The following PDK1 variants were observed in gnomAD, a reference collection of about 807,000 sequenced individuals.
The protein encoded by PDK1 is pyruvate dehydrogenase kinase 1.
PDK1 carries 39 observed loss-of-function variants against 54.2 expected under a neutral mutation model. That is an observed-to-expected ratio of 0.72 (90% CI 0.56 to 0.94). The LOEUF is 0.94. Ranked by LOEUF, PDK1 falls within the 40% of genes least tolerant of loss-of-function variation. The pLI, the probability that PDK1 is intolerant of heterozygous loss-of-function variation, is 0.00. For synonymous variants in PDK1, 221 were observed against 207.1 expected, an observed-to-expected ratio of 1.07 and a Z score of -0.58; for missense variants, 552 against 566.0, an observed-to-expected ratio of 0.98 and a Z score of 0.25.
intron 8 of PDK1, among the ~76,000 whole-genome samples, chr2:172,572,925 A>G (rs1435244663): frequency 6.6e-6 from 1 of 152,144 alleles, no homozygotes; most frequent in Non-Finnish European, 1.5e-5. Flanking sequence ...ATGCATTTGT[A>G]CTTCATTCCT....
chr2:172,556,414 A>C, intron 1 of PDK1, 68 bp downstream of exon 1: 1 of 1,221,486 alleles, frequency 8.2e-7, no homozygotes, highest in Non-Finnish European at 1.1e-6. Flanking sequence ...CCGCTGCCCC[A>C]GGCCGGGTCG....
At chr2:172,673,017 T>C in the PDK1 span, among the ~76,000 whole-genome samples, 26 of 152,276 alleles carry the variant, frequency 1.7e-4, no homozygotes, top group Middle Eastern at 6.8e-3. Context: ...AAGGAGAGAC[T>C]GAGGCAAGTT....
chr2:172,690,379 T>A, the PDK1 span, among the ~76,000 whole-genome samples: 1 of 150,202 alleles, frequency 6.7e-6, no homozygotes, highest in African/African-American at 2.4e-5. Flanking sequence ...GTAGAGAAAT[T>A]GGAACACTTT....
rs779677176 is a variant in PDK1 at position 172,558,835 on chromosome 2, A to G, written c.324A>G (p.Gln108=). Residue 108 remains glutamine (Q), a synonymous_variant, in exon 2 of 11, where the codon CAA becomes CAG. Transcript: ENST00000282077. ...ATCTTCTCAGGACACCATCCGTTCA[A>G]TTGGTACAAAGCTGGTAAGATTCTC... ...PDNLLRTPSV[Q]LVQSWYIQSL... 4 of 1,611,974 alleles carry G rather than the reference A, an allele frequency of 2.5e-6. No homozygotes were observed. The highest frequency in any genetic ancestry group is 1.7e-5 in the Admixed American group (1 of 59,426).
rs1690983513 is a variant in PDK1, at chr2:172,598,115, ATG to A, written c.*2148_*2149del. 1 of 152,224 alleles carries A rather than the reference ATG, an allele frequency of 6.6e-6. No individual in the cohort carries two copies. The highest frequency in any genetic ancestry group is 1.5e-5 in the Non-Finnish European group (1 of 68,030). The allele number at this position is 152,224 out of a possible 1,614,324, so 9.4% of individuals were successfully genotyped here. A position where few individuals can be genotyped will look rare whatever the true frequency, so the allele number is the denominator to read the frequency against. ...TTAATGAGTAATTTATATTAGTTCG[ATG>A]TATTACAATTTTTTAGCTTTAAATT... On this transcript the variant is annotated 3_prime_UTR_variant, in exon 11 of 11. Coordinates refer to ENST00000282077, the MANE Select transcript of PDK1 (RefSeq NM_002610.5).
chr2:172,564,677 C>A lies in PDK1; in HGVS notation c.585C>A (p.Leu195=). The A allele has an allele frequency of 6.2e-7, 1 of 1,612,946 alleles. No individual in the cohort carries two copies. Among genetic ancestry groups the A allele is most frequent in the Non-Finnish European group, 8.5e-7 (1 of 1,178,976 alleles). The change falls in exon 4 of 11, where the codon CTC becomes CTA. Residue 195 remains leucine, a synonymous_variant. Coordinates refer to ENST00000282077, the MANE Select transcript of PDK1 (RefSeq NM_002610.5). ...GTCGCATTTCAATTAGAATGTTACT[C>A]AATCAGCACTGTAAGTGTCCCTCAT... ...YMSRISIRML[L]NQHSLLFGGK...
At chr2:172,649,997 G>A in the PDK1 span, among the ~76,000 whole-genome samples, 2 of 152,140 alleles carry the variant, frequency 1.3e-5, no homozygotes, top group African/African-American at 2.4e-5. Flanking sequence ...ACGCCGCAAA[G>A]ATACTCCTTG....
At chr2:172,627,631 G>A in the PDK1 span, among the ~76,000 whole-genome samples, 1 of 152,150 alleles carries the variant, frequency 6.6e-6, no homozygotes, top group Non-Finnish European at 1.5e-5. Flanking sequence ...GGGCCCCCCC[G>A]AAGCATGGAA....
intron 9 of PDK1, among the ~76,000 whole-genome samples, chr2:172,588,992 A>T (rs1402367060): frequency 6.6e-6 from 1 of 152,142 alleles, no homozygotes; most frequent in African/African-American, 2.4e-5. Context: ...CTTGAGAGGG[A>T]TTGTAGTAGG....
chr2:172,721,554 T>C, the PDK1 span, among the ~76,000 whole-genome samples: 2 of 152,308 alleles, frequency 1.3e-5, no homozygotes, highest in East Asian at 3.9e-4. Flanking sequence ...GCCAGGCTGG[T>C]CTCGAACTCC....
At chr2:172,621,572 TATATATG>T in the PDK1 span, among the ~76,000 whole-genome samples, 4 of 146,918 alleles carry the variant, frequency 2.7e-5, no homozygotes, top group Non-Finnish European at 6.0e-5. Context: ...ATATTTATAT[TATATATG>T]ATATATGTTT....
At chr2:172,587,077 TACA>T (rs1209512784) in intron 9 of PDK1, among the ~76,000 whole-genome samples, 4 of 152,210 alleles carry the variant, frequency 2.6e-5, no homozygotes, top group Admixed American at 6.5e-5. Flanking sequence ...GGGGGTATAG[TACA>T]AGATAGATCT....
At chr2:172,584,500 T>C (rs528609216) in intron 8 of PDK1, among the ~76,000 whole-genome samples, 2 of 152,128 alleles carry the variant, frequency 1.3e-5, no homozygotes, top group East Asian at 3.9e-4. Flanking sequence ...TTCTTTTACT[T>C]AACTAATCCC....
chr2:172,583,281 G>GTTTTTGTTTT (rs1690012610), intron 8 of PDK1, among the ~76,000 whole-genome samples: 1 of 77,058 alleles, frequency 1.3e-5, no homozygotes, highest in East Asian at 6.7e-4. Context: ...AAGTTTTCTG[G>GTTTTTGTTTT]TTTTTTTTTT....
the PDK1 span, among the ~76,000 whole-genome samples, chr2:172,628,742 C>T: frequency 2.0e-5 from 3 of 152,114 alleles, no homozygotes; most frequent in Non-Finnish European, 4.4e-5. Context: ...CTGACTGTAA[C>T]AGAGTATTCC....
the PDK1 span, chr2:172,691,549 CCTCTGTG>C: frequency 6.6e-6 from 1 of 152,212 alleles, no homozygotes; most frequent in Non-Finnish European, 1.5e-5. Context: ...CCCTAAAAAT[CCTCTGTG>C]CTCTGCCTAT....
the PDK1 span, among the ~76,000 whole-genome samples, chr2:172,712,889 T>A: frequency 6.6e-6 from 1 of 152,232 alleles, no homozygotes; most frequent in Non-Finnish European, 1.5e-5. Flanking sequence ...TGCAGATAAC[T>A]GCAGGGTGAG....
At chr2:172,619,451 C>T in the PDK1 span, among the ~76,000 whole-genome samples, 2 of 151,482 alleles carry the variant, frequency 1.3e-5, no homozygotes, top group Non-Finnish European at 2.9e-5. Flanking sequence ...CATTTTCCCC[C>T]ATTAAATTTT....
chr2:172,642,028 C>A, the PDK1 span, among the ~76,000 whole-genome samples: 12 of 152,154 alleles, frequency 7.9e-5, no homozygotes, highest in African/African-American at 2.6e-4. Context: ...ATTAACAAAT[C>A]CAAAAGAAAG....
Sources: gnomAD v4.1 joint callset for allele counts (sites outside exome capture counted in the v4.1 genomes callset) on GRCh38, gnomAD v4.1.1 for gene constraint, MANE v1.5 for transcripts, NCBI Gene and HGNC (gene_info 2026-07-23, HGNC 2026-07-21) for gene names.